RAPGEF6: variants seen among roughly 807,000 people sequenced by gnomAD.
RAPGEF6 encodes the protein PDZ domain containing guanine nucleotide exchange factor (GEF) 2.
Under a neutral mutation model 171.4 loss-of-function variants are expected in RAPGEF6, and 56 were observed. The ratio of observed to expected loss-of-function variants is 0.33; its 90% confidence interval spans 0.26 to 0.41. RAPGEF6 has a LOEUF of 0.41. Among genes scored for constraint, RAPGEF6 ranks in the 10% least tolerant of loss-of-function variants. The pLI is 1.00. For missense variants in RAPGEF6, 1,674 were observed against 1,921.4 expected (o/e 0.87, Z 2.41); for synonymous variants, 692 against 650.1 (o/e 1.06, Z -0.98).
intron 5 of RAPGEF6, 148 bp from the exon 6 acceptor site, chr5:131,548,338 A>C: frequency 8.9e-5 from 64 of 721,018 alleles, no homozygotes; most frequent in East Asian, 1.6e-4. Flanking sequence ...CACAACGCTC[A>C]TGAGTTAAAG....
chr5:131,521,041 C>G (rs1220457953), intron 7 of RAPGEF6, among the ~76,000 whole-genome samples: 1 of 152,146 alleles, frequency 6.6e-6, no homozygotes, highest in East Asian at 1.9e-4. Context: ...AAGACATATA[C>G]AGTCAATTAT....
intron 4 of RAPGEF6, among the ~76,000 whole-genome samples, chr5:131,568,469 T>G (rs1015201802): frequency 3.1e-4 from 47 of 152,086 alleles, no homozygotes; most frequent in African/African-American, 1.0e-3. Flanking sequence ...TAGCAAAGAC[T>G]GCAAGTGTAC....
intron 16 of RAPGEF6, among the ~76,000 whole-genome samples, chr5:131,478,833 G>A (rs75038693): frequency 6.6e-6 from 1 of 152,182 alleles, no homozygotes; most frequent in Non-Finnish European, 1.5e-5. Context: ...TTTTGAACTT[G>A]CTTTATTTCA....
chr5:131,595,844 G>GACAA (rs150930807), intron 3 of RAPGEF6, among the ~76,000 whole-genome samples: 137,901 of 151,952 alleles, frequency 0.91, 62,756 homozygotes, highest in Middle Eastern at 0.98. Context: ...CACTGTTAAA[G>GACAA]ACATAGATTG....
At chr5:131,578,180 G>T (rs1235394659) in intron 4 of RAPGEF6, among the ~76,000 whole-genome samples, 1 of 152,100 alleles carries the variant, frequency 6.6e-6, no homozygotes, top group Non-Finnish European at 1.5e-5. Context: ...CTATCCTGAT[G>T]AAGTCCTTTT....
chr5:131,509,347 T>C lies in RAPGEF6; in HGVS notation c.805+967A>G, dbSNP rs547208734. The stretch of plus-strand genomic sequence containing the variant: ...TCACAAGGTCAGGAGATCGAGACCA[T>C]CCTGGCTAACACGTTGAAACCCCAT... On this transcript the variant is annotated intron_variant, in intron 8 of 27. Coordinates refer to ENST00000509018, the MANE Select transcript of RAPGEF6 (RefSeq NM_016340.6). Among the ~76,000 whole-genome samples the C allele has an allele frequency of 7.1e-4, 108 of 152,170 alleles. 1 individual carries two copies. Among genetic ancestry groups the C allele is most frequent in the African/African-American group, 2.3e-3 (97 of 41,516 alleles).
At chr5:131,555,362 C>G (rs960498686) in intron 5 of RAPGEF6, among the ~76,000 whole-genome samples, 1 of 102,878 alleles carries the variant, frequency 9.7e-6, no homozygotes, top group African/African-American at 3.7e-5. Context: ...ATGAACAACC[C>G]TAGGAAACAC....
In RAPGEF6 at chr5:131,430,863, C is replaced by T. The variant is rs1350018390; in HGVS notation, c.4461G>A (p.Leu1487=). 2 of 1,593,686 alleles carry T rather than the reference C, an allele frequency of 1.3e-6. No individual in the cohort carries two copies. The highest frequency in any genetic ancestry group is 1.1e-5 in the South Asian group (1 of 87,560). Residue 1487 remains leucine (L), a synonymous_variant, in exon 26 of 28, where the codon TTG becomes TTA. Coordinates refer to ENST00000509018, the MANE Select transcript of RAPGEF6 (RefSeq NM_016340.6). ...GACAACAAAAACACAACTTACCAAT[C>T]AAGCCCTTTTCTGTACTTGAAGTGA... The part of the protein sequence containing the change: ...KTVTSSTEKG[L]IVYCVTSPKK...
chr5:131,462,903 T>C (rs927502193), intron 18 of RAPGEF6, among the ~76,000 whole-genome samples: 1 of 152,230 alleles, frequency 6.6e-6, no homozygotes, highest in Non-Finnish European at 1.5e-5. Flanking sequence ...ACTGTTCATA[T>C]GCCTAAGACA....
intron 1 of RAPGEF6, among the ~76,000 whole-genome samples, chr5:131,615,568 T>C (rs908321587): frequency 9.2e-5 from 14 of 152,210 alleles, no homozygotes; most frequent in African/African-American, 3.4e-4. Context: ...GCTAATCATT[T>C]ACGCTGAATG....
chr5:131,454,969 C>A (rs1416534461), intron 20 of RAPGEF6, among the ~76,000 whole-genome samples: 2 of 152,068 alleles, frequency 1.3e-5, no homozygotes, highest in African/African-American at 4.8e-5. Flanking sequence ...TAGCTGCCAA[C>A]CAAAAATCCT....
chr5:131,571,927 T>C (rs977947871), intron 4 of RAPGEF6, among the ~76,000 whole-genome samples: 6 of 152,050 alleles, frequency 3.9e-5, no homozygotes, highest in Non-Finnish European at 8.8e-5. Flanking sequence ...CTTGTGAATG[T>C]TACTTTGTAA....
chr5:131,477,271 A>AT (rs1279900548), intron 16 of RAPGEF6, among the ~76,000 whole-genome samples: 1 of 151,998 alleles, frequency 6.6e-6, no homozygotes, highest in African/African-American at 2.4e-5. Context: ...AAGATAAACT[A>AT]TTTTTTCTGT....
rs147371329 is a variant in RAPGEF6, at chr5:131,620,903, C to T, written c.69+14059G>A. Among the ~76,000 whole-genome samples the T allele has an allele frequency of 3.2e-3, 490 of 152,242 alleles. 3 individuals carry two copies. The highest frequency in any genetic ancestry group is 0.011 in the African/African-American group (464 of 41,546). ...AACCATGCCCACGGTAAAATCCACT[C>T]TTCACATATACTGCCAAAGCGATCT... On this transcript the variant is annotated intron_variant, in intron 1 of 27. Coordinates refer to ENST00000509018, the MANE Select transcript of RAPGEF6 (RefSeq NM_016340.6).
chr5:131,501,022 C>G (rs915295211), intron 11 of RAPGEF6, among the ~76,000 whole-genome samples: 2 of 152,048 alleles, frequency 1.3e-5, no homozygotes, highest in African/African-American at 4.8e-5. Flanking sequence ...TGGAGCCCAC[C>G]TTGGCCTCCC....
chr5:131,607,557 G>A (rs1764682116), intron 1 of RAPGEF6, among the ~76,000 whole-genome samples: 2 of 152,194 alleles, frequency 1.3e-5, no homozygotes, highest in East Asian at 1.9e-4. Context: ...TAACTCTTCC[G>A]CTCTCTGTCA....
At chr5:131,614,299 A>AAAG (rs1554087606) in intron 1 of RAPGEF6, among the ~76,000 whole-genome samples, 61 of 147,276 alleles carry the variant, frequency 4.1e-4, no homozygotes, top group African/African-American at 9.6e-4. Flanking sequence ...AAAAAAAAAA[A>AAAG]AAAGAAAGAA....
At chr5:131,488,484 C>A (rs1297419855) in intron 15 of RAPGEF6, among the ~76,000 whole-genome samples, 2 of 152,066 alleles carry the variant, frequency 1.3e-5, no homozygotes, top group African/African-American at 4.8e-5. Flanking sequence ...TAAAAGTTGG[C>A]ATTTCTAGAT....
Position 131,464,071 on chromosome 5 carries a change from T to C in RAPGEF6, c.2450A>G (p.Lys817Arg). ...KQRRLPDQFS[K>R]LADRIQLNGR... ...ATTGAGTTGAATTCTATCAGCTAATTTGGAGAACTGATCTGGAAGTCTTCT... is the reference window on the plus strand; with the variant it reads ...ATTGAGTTGAATTCTATCAGCTAATCTGGAGAACTGATCTGGAAGTCTTCT... Residue 817 changes from lysine to arginine, a missense_variant, in exon 18 of 28, where the codon AAA (lysine) becomes AGA (arginine). Lys to Arg is a conservative substitution (Grantham distance 26). Transcript: ENST00000509018. 6.2e-7 allele frequency: 1 copy of C among 1,607,256 alleles called. No homozygotes were observed. Among genetic ancestry groups the C allele is most frequent in the South Asian group, 1.1e-5 (1 of 90,556 alleles).
Sources: gnomAD v4.1 joint callset for allele counts (sites outside exome capture counted in the v4.1 genomes callset) on GRCh38, gnomAD v4.1.1 for gene constraint, MANE v1.5 for transcripts, NCBI Gene and HGNC (gene_info 2026-07-23, HGNC 2026-07-21) for gene names.